WDR70: variants seen among roughly 807,000 people sequenced by gnomAD.
The protein encoded by WDR70 is WD repeat-containing protein 70.
A neutral mutation model predicts 88.6 loss-of-function variants in WDR70; 53 were observed. The ratio of observed to expected loss-of-function variants is 0.60; its 90% CI spans 0.48 to 0.75. The LOEUF (loss-of-function observed/expected upper bound fraction) is 0.75. WDR70 is among the 30% of genes least tolerant of loss of function. WDR70 has a pLI of 0.00. For synonymous variants in WDR70, 280 were observed against 270.0 expected, an observed-to-expected ratio of 1.04 and a Z score of -0.36; for missense variants, 610 against 823.2, an observed-to-expected ratio of 0.74 and a Z score of 3.17.
At chr5:37,507,479 C>G (rs1740597392) in intron 8 of WDR70, among the ~76,000 whole-genome samples, 1 of 152,116 alleles carries the variant, frequency 6.6e-6, no homozygotes, top group African/African-American at 2.4e-5. Context: ...TATGTTTGAA[C>G]CTATCAACTG....
intron 8 of WDR70, among the ~76,000 whole-genome samples, chr5:37,496,961 G>A (rs1157515606): frequency 6.6e-6 from 1 of 152,222 alleles, no homozygotes; most frequent in Non-Finnish European, 1.5e-5. Flanking sequence ...GATTGGGGAA[G>A]ACAAGGTAGT....
At chr5:37,552,843 T>A (rs1742184851) in intron 9 of WDR70, among the ~76,000 whole-genome samples, 1 of 152,214 alleles carries the variant, frequency 6.6e-6, no homozygotes, top group Non-Finnish European at 1.5e-5. Flanking sequence ...CCTGTGATCA[T>A]TGACACTCAT....
intron 10 of WDR70, among the ~76,000 whole-genome samples, chr5:37,664,341 T>A (rs954105195): frequency 6.6e-5 from 10 of 152,254 alleles, no homozygotes; most frequent in Admixed American, 5.2e-4. Context: ...GTTTGATCTC[T>A]GGCTCTCCAG....
At chr5:37,506,826 G>A in intron 8 of WDR70, 1 of 1,307,820 alleles carries the variant, frequency 7.6e-7, no homozygotes, top group Non-Finnish European at 1.1e-6. Context: ...GTTCTTGGGG[G>A]CTGCTGTTCA....
chr5:37,687,453 A>G (rs1259630506), intron 10 of WDR70, among the ~76,000 whole-genome samples: 5 of 152,200 alleles, frequency 3.3e-5, no homozygotes, highest in African/African-American at 7.2e-5. Flanking sequence ...AGGTGTTGCA[A>G]TGGAATATGT....
chr5:37,678,959 C>T (rs1221961609), intron 10 of WDR70, among the ~76,000 whole-genome samples: 1 of 152,192 alleles, frequency 6.6e-6, no homozygotes, highest in African/African-American at 2.4e-5. Flanking sequence ...CTAAACTTCC[C>T]TTCTCGCTTC....
intron 15 of WDR70, 74 bp from the exon 16 acceptor site, chr5:37,724,860 G>T: frequency 7.8e-7 from 1 of 1,290,082 alleles, no homozygotes; most frequent in Non-Finnish European, 1.1e-6. Context: ...CTTTCAGTTA[G>T]TCATGCTTTA....
At chr5:37,427,248 G>A (rs1750155510) in intron 5 of WDR70, among the ~76,000 whole-genome samples, 1 of 152,122 alleles carries the variant, frequency 6.6e-6, no homozygotes, top group Non-Finnish European at 1.5e-5. Context: ...AATTAGCTGG[G>A]CGTGGTGGCG....
intron 17 of WDR70, among the ~76,000 whole-genome samples, chr5:37,743,293 C>T (rs959418999): frequency 2.6e-5 from 4 of 152,224 alleles, no homozygotes; most frequent in South Asian, 2.1e-4. Context: ...GTGCAACCCA[C>T]GGATCAGAAG....
chr5:37,470,760 T>G (rs1561864565), intron 7 of WDR70, among the ~76,000 whole-genome samples: 2 of 152,204 alleles, frequency 1.3e-5, no homozygotes, highest in African/African-American at 4.8e-5. Flanking sequence ...GGGGCTATTA[T>G]GAGTAGTTTT....
Position 37,532,522 on chromosome 5 carries a change from G to A in WDR70, c.917+15932G>A, listed in dbSNP as rs181870776. On this transcript the variant is annotated intron_variant, in intron 9 of 17. Coordinates refer to ENST00000265107, the MANE Select transcript of WDR70 (RefSeq NM_018034.4). ...AAAAGCCTTGTCTTCGAGCCCTGAA[G>A]TTCTTTCTTCTGCTTGTTCAGTTCT... Among the ~76,000 whole-genome samples, 5 of 152,126 alleles carry A rather than the reference G, an allele frequency of 3.3e-5. No individual in the cohort carries two copies. In the East Asian group the frequency reaches 9.7e-4, roughly 29 times the overall value.
intron 10 of WDR70, among the ~76,000 whole-genome samples, chr5:37,679,979 G>A (rs558391315): frequency 6.6e-6 from 1 of 152,320 alleles, no homozygotes; most frequent in Admixed American, 6.5e-5. Context: ...CTTGCAGTTT[G>A]ATCTCACACT....
intron 10 of WDR70, among the ~76,000 whole-genome samples, chr5:37,652,330 T>G (rs958572903): frequency 5.9e-5 from 9 of 152,260 alleles, no homozygotes; most frequent in Non-Finnish European, 1.0e-4. Flanking sequence ...CATGCTCTTT[T>G]GGTTACTGTA....
chr5:37,476,407 T>G (rs1203567877), intron 7 of WDR70, among the ~76,000 whole-genome samples: 1 of 152,216 alleles, frequency 6.6e-6, no homozygotes. Context: ...CCTGTCTATA[T>G]TCAAATTTGT....
In WDR70 at chr5:37,721,217, T is replaced by C; in HGVS notation, c.1517+2T>C. On this transcript the variant is annotated splice_donor_variant, in intron 14 of 17. Transcript: ENST00000265107. LOFTEE classifies it high-confidence loss of function. Reference sequence around the variant, plus strand: ...TTACGACCCCAACAAGAGTCAGAGGTATTTCATAAGTATTGCCTGTTTTAG... The same window carrying C: ...TTACGACCCCAACAAGAGTCAGAGGCATTTCATAAGTATTGCCTGTTTTAG... 1 of 1,613,200 alleles carries C rather than the reference T, an allele frequency of 6.2e-7. No homozygotes were observed. The highest frequency in any genetic ancestry group is 1.1e-5 in the South Asian group (1 of 91,066).
intron 9 of WDR70, among the ~76,000 whole-genome samples, chr5:37,575,557 A>T (rs1743028507): frequency 6.6e-6 from 1 of 152,202 alleles, no homozygotes; most frequent in Non-Finnish European, 1.5e-5. Flanking sequence ...TCCATAAAAA[A>T]ATCTCAAAAC....
At chr5:37,522,687 C>T (rs1399708963) in intron 9 of WDR70, among the ~76,000 whole-genome samples, 1 of 152,122 alleles carries the variant, frequency 6.6e-6, no homozygotes, top group African/African-American at 2.4e-5. Flanking sequence ...CGAGGCATCA[C>T]CTCACCTGGG....
intron 13 of WDR70, among the ~76,000 whole-genome samples, chr5:37,706,737 A>ACACACT (rs1554013833): frequency 3.6e-5 from 2 of 55,370 alleles, no homozygotes; most frequent in Non-Finnish European, 1.4e-4. Context: ...ACACACACAC[A>ACACACT]CGCACACAGA....
chr5:37,505,478 T>C (rs1561879098), intron 8 of WDR70, among the ~76,000 whole-genome samples: 1 of 152,136 alleles, frequency 6.6e-6, no homozygotes, highest in Non-Finnish European at 1.5e-5. Flanking sequence ...CGTATACCTA[T>C]TAATGAGTGC....
Sources: allele counts gnomAD v4.1 joint callset (sites outside exome capture counted in the v4.1 genomes callset), GRCh38; gene constraint gnomAD v4.1.1; transcripts MANE v1.5; gene names NCBI Gene and HGNC (gene_info 2026-07-23, HGNC 2026-07-21).